The following OR10A2 variants were observed in gnomAD, a reference collection of about 807,000 sequenced individuals.
OR10A2 encodes olfactory receptor 10A2.
Under a neutral mutation model 13.7 loss-of-function variants are expected in OR10A2, and 15 were observed. That is an observed-to-expected ratio of 1.10 (90% confidence interval 0.73 to 1.69). OR10A2 has a LOEUF of 1.69. OR10A2 is among the 40% of genes most tolerant of loss of function. The probability of loss-of-function intolerance (pLI) is 0.00; values close to 1 mark genes in which losing one functional copy is unlikely to be tolerated. For missense variants in OR10A2, 343 were observed against 361.1 expected (o/e 0.95, Z 0.41); for synonymous variants, 145 against 144.7 (o/e 1.00, Z -0.02).
rs1286649489 is a variant in OR10A2, at chr11:6,869,702, T to C, written c.-53T>C. On this transcript the variant is annotated 5_prime_UTR_variant, in exon 2 of 2. Coordinates refer to ENST00000641461, the MANE Select transcript of OR10A2 (RefSeq NM_001004460.2). ...CTCCATGACCACAGTTGGGGACTTC[T>C]GCCCACACTTATAGCTACAGGAAAC... 3 of 1,458,676 alleles carry C rather than the reference T, an allele frequency of 2.1e-6. No individual in the cohort carries two copies. The highest frequency in any genetic ancestry group is 1.4e-5 in the African/African-American group (1 of 71,824). The allele number at this position is 1,458,676 out of a possible 1,614,324, so 90.4% of individuals were successfully genotyped here.
chr11:6,868,384 T>C (rs1198010598), intron 1 of OR10A2, among the ~76,000 whole-genome samples: 3 of 152,104 alleles, frequency 2.0e-5, no homozygotes, highest in Non-Finnish European at 4.4e-5. Flanking sequence ...ATTATAGATA[T>C]ACCACCTAGT....
rs1379481934 is a variant in OR10A2 at position 6,872,425 on chromosome 11, T to A, written c.*1759T>A. ...GTACATGTACTTATTTTTACATGTT[T>A]GTCTTCCTCCAACTTTTCTGTAACT... On this transcript the variant is annotated 3_prime_UTR_variant, in exon 2 of 2. Transcript: ENST00000641461. The A allele has an allele frequency of 6.6e-6, 1 of 152,248 alleles. No homozygotes were observed. The highest frequency in any genetic ancestry group is 1.9e-4 in the East Asian group (1 of 5,196). The allele number at this position is 152,248 out of a possible 1,614,324, so 9.4% of individuals were successfully genotyped here.
In OR10A2 at chr11:6,863,183, A is replaced by G. The variant is rs1217554893; in HGVS notation, c.-301A>G. ...CACAAGGCAGCAGTGAGCTGGCTAC[A>G]GCTCCAGCCATTAATAGCTCAGCCA... is the stretch of plus-strand genomic sequence containing the variant. On this transcript the variant is annotated 5_prime_UTR_variant, in exon 1 of 2. Coordinates refer to ENST00000641461, the MANE Select transcript of OR10A2 (RefSeq NM_001004460.2). The G allele has an allele frequency of 6.6e-6, 1 of 152,170 alleles. No homozygotes were observed. The highest frequency in any genetic ancestry group is 2.4e-5 in the African/African-American group (1 of 41,428). The allele number at this position is 152,170 out of a possible 1,614,324, so 9.4% of individuals were successfully genotyped here. A position where few individuals can be genotyped will look rare whatever the true frequency, so the allele number is the denominator to read the frequency against.
rs1848455834 is a variant in OR10A2 at position 6,873,429 on chromosome 11, AG to A, written c.*2768del. ...ATGCTGAGACAATTTGTACTGGGGT[AG>A]GGGGTAGTCCTTAGTATGGGTAAAG... On this transcript the variant is annotated 3_prime_UTR_variant, in exon 2 of 2. Coordinates refer to ENST00000641461, the MANE Select transcript of OR10A2 (RefSeq NM_001004460.2). 1 of 152,218 alleles carries A rather than the reference AG, an allele frequency of 6.6e-6. No homozygotes were observed. Among genetic ancestry groups the A allele is most frequent in the Admixed American group, 6.5e-5 (1 of 15,282 alleles). The allele number at this position is 152,218 out of a possible 1,614,324, so 9.4% of individuals were successfully genotyped here.
At position 6,869,915 on chromosome 11, in the gene OR10A2, C is replaced by T; in HGVS notation, c.161C>T (p.Ser54Phe). ...ATGTACTTCTTCCTCAGAAACTTAT[C>T]TTTCCTGGAGATTGGCTTCAACCTA... ...SPMYFFLRNLSFLEIGFNLVI... is the reference protein window; with the variant it reads ...SPMYFFLRNLFFLEIGFNLVI... The change falls in exon 2 of 2, where the codon TCT (serine) becomes TTT (phenylalanine). Residue 54 changes from serine to phenylalanine, a missense_variant. By Grantham distance (155) the Ser-to-Phe change is radical. Coordinates refer to ENST00000641461, the MANE Select transcript of OR10A2 (RefSeq NM_001004460.2). 6.2e-7 allele frequency: 1 copy of T among 1,614,180 alleles called. No individual in the cohort carries two copies. Among genetic ancestry groups the T allele is most frequent in the Non-Finnish European group, 8.5e-7 (1 of 1,179,992 alleles).
intron 1 of OR10A2, among the ~76,000 whole-genome samples, chr11:6,864,211 C>G (rs1252091822): frequency 6.6e-6 from 1 of 151,992 alleles, no homozygotes; most frequent in Non-Finnish European, 1.5e-5. Flanking sequence ...GAAATCCCAG[C>G]AAGTGTTTCT....
chr11:6,864,215 T>C (rs922266132), intron 1 of OR10A2, among the ~76,000 whole-genome samples: 9 of 152,196 alleles, frequency 5.9e-5, no homozygotes, highest in African/African-American at 1.9e-4. Context: ...TCCCAGCAAG[T>C]GTTTCTGCCC....
At position 6,870,454 on chromosome 11, in the gene OR10A2, G is replaced by C; in HGVS notation, c.700G>C (p.Val234Leu). 6.2e-7 allele frequency: 1 copy of C among 1,614,130 alleles called. No individual in the cohort carries two copies. The change falls in exon 2 of 2, where the codon GTT (valine) becomes CTT (leucine). Residue 234 changes from valine to leucine, a missense_variant. By Grantham distance (32) the Val-to-Leu change is conservative. Coordinates refer to ENST00000641461, the MANE Select transcript of OR10A2 (RefSeq NM_001004460.2). ...TTCTACATGTTCCTCACACCTCCTT[G>C]TTGTCTCTCTTTTCTATATATCATT... ...AFSTCSSHLL[V>L]VSLFYISLSL... is the part of the protein sequence containing the mutation.
rs1848424995 is a variant in OR10A2 at position 6,870,729 on chromosome 11, C to T, written c.*63C>T. 7.9e-7 allele frequency: 1 copy of T among 1,273,472 alleles called. No individual in the cohort carries two copies. Among genetic ancestry groups the T allele is most frequent in the Non-Finnish European group, 1.1e-6 (1 of 915,930 alleles). The allele number at this position is 1,273,472 out of a possible 1,614,324, so 78.9% of individuals were successfully genotyped here. A position where few individuals can be genotyped will look rare whatever the true frequency, so the allele number is the denominator to read the frequency against. On this transcript the variant is annotated 3_prime_UTR_variant, in exon 2 of 2. Transcript: ENST00000641461. ...ACAATCAGTCCCAGATTTGAGATTC[C>T]TCTCTGCATCTTTCCACATCTCCAA...
At chr11:6,867,547 T>C (rs1204885665) in intron 1 of OR10A2, among the ~76,000 whole-genome samples, 1 of 152,002 alleles carries the variant, frequency 6.6e-6, no homozygotes, top group Non-Finnish European at 1.5e-5. Flanking sequence ...TTGTTGAGAG[T>C]AAGTAATAAA....
rs1407553953 is a variant in OR10A2 at position 6,873,673 on chromosome 11, A to C, written c.*3007A>C. The stretch of plus-strand genomic sequence containing the variant: ...AAAAATAAGCAGAGATCACAGGAAA[A>C]GACCTTGTTAAAGGATTTACTTTAT... On this transcript the variant is annotated 3_prime_UTR_variant, in exon 2 of 2. Coordinates refer to ENST00000641461, the MANE Select transcript of OR10A2 (RefSeq NM_001004460.2). 1 of 152,206 alleles carries C rather than the reference A, an allele frequency of 6.6e-6. No individual in the cohort carries two copies. The highest frequency in any genetic ancestry group is 1.9e-4 in the East Asian group (1 of 5,196). The allele number at this position is 152,206 out of a possible 1,614,324, so 9.4% of individuals were successfully genotyped here.
chr11:6,863,796 G>T (rs994447588), intron 1 of OR10A2, among the ~76,000 whole-genome samples: 4 of 152,196 alleles, frequency 2.6e-5, no homozygotes, highest in African/African-American at 9.7e-5. Context: ...GCCTAGAAGA[G>T]TGGGTTCCAG....
chr11:6,869,520 T>C (rs11041068), intron 1 of OR10A2, 103 bp from the exon 2 acceptor site: 8 of 548,218 alleles, frequency 1.5e-5, no homozygotes, highest in South Asian at 1.4e-4. Context: ...TTCAGGCCCA[T>C]CTCAGAGATT....
intron 1 of OR10A2, among the ~76,000 whole-genome samples, chr11:6,864,280 G>A (rs905848779): frequency 2.0e-5 from 3 of 150,854 alleles, no homozygotes; most frequent in Non-Finnish European, 4.4e-5. Flanking sequence ...CTGTCATGAG[G>A]CTTCTAGTTA....
At position 6,869,980 on chromosome 11, in the gene OR10A2, G is replaced by C. The variant is rs1848412866; in HGVS notation, c.226G>C (p.Asp76His). The change falls in exon 2 of 2, where the codon GAC (aspartate) becomes CAC (histidine). Residue 76 changes from aspartate to histidine, a missense_variant. Asp to His is a moderately conservative substitution (Grantham distance 81). Transcript: ENST00000641461. ...AATGCTGGGGACCCTGCTTGCCCAG[G>C]ACACAACCATCTCCTTCCTTGGCTG... is the stretch of plus-strand genomic sequence containing the variant. ...PKMLGTLLAQDTTISFLGCAT... is the reference protein window; with the variant it reads ...PKMLGTLLAQHTTISFLGCAT... The C allele has an allele frequency of 4.3e-6, 7 of 1,614,020 alleles. No individual in the cohort carries two copies. The highest frequency in any genetic ancestry group is 5.9e-6 in the Non-Finnish European group (7 of 1,180,024).
intron 1 of OR10A2, among the ~76,000 whole-genome samples, chr11:6,866,541 C>T (rs1257671909): frequency 6.6e-6 from 1 of 152,146 alleles, no homozygotes. Flanking sequence ...TGATCCAATT[C>T]ATCAAATCCT....
Position 6,870,474 on chromosome 11 carries a change from A to ATG in OR10A2, c.721_722insGT (p.Ser241CysfsTer3), listed in dbSNP as rs780193743. 1.2e-4 allele frequency: 187 copies of ATG among 1,614,094 alleles called. 4 individuals are homozygous for ATG. The highest frequency in any genetic ancestry group is 6.9e-4 in the East Asian group (31 of 44,880). Reference sequence around the variant, plus strand: ...TCCTTGTTGTCTCTCTTTTCTATATATCATTAAGCCTCACCTACTTCCGGC... The same window carrying ATG: ...TCCTTGTTGTCTCTCTTTTCTATATATGTCATTAAGCCTCACCTACTTCCGGC... On this transcript the variant is annotated frameshift_variant, in exon 2 of 2. Coordinates refer to ENST00000641461, the MANE Select transcript of OR10A2 (RefSeq NM_001004460.2). LOFTEE classifies it high-confidence loss of function.
intron 1 of OR10A2, among the ~76,000 whole-genome samples, chr11:6,869,003 G>C (rs753490623): frequency 6.6e-6 from 1 of 152,196 alleles, no homozygotes; most frequent in African/African-American, 2.4e-5. Flanking sequence ...TTAGTCATCA[G>C]ATAAGGCATG....
At position 6,870,417 on chromosome 11, in the gene OR10A2, G is replaced by A. The variant is rs745321401; in HGVS notation, c.663G>A (p.Lys221=). 3 of 1,614,222 alleles carry A rather than the reference G, an allele frequency of 1.9e-6. No homozygotes were observed. Among genetic ancestry groups the A allele is most frequent in the South Asian group, 2.2e-5 (2 of 91,084 alleles). Residue 221 remains lysine, a synonymous_variant, in exon 2 of 2, where the codon AAG becomes AAA. Coordinates refer to ENST00000641461, the MANE Select transcript of OR10A2 (RefSeq NM_001004460.2). ...TCAAGATCCCATCAGCTAAAGGGAA[G>A]AATAAAGCCTTTTCTACATGTTCCT... The part of the protein sequence containing the change: ...AILKIPSAKG[K]NKAFSTCSSH...
Sources: gnomAD v4.1 joint callset for allele counts (sites outside exome capture counted in the v4.1 genomes callset) on GRCh38, gnomAD v4.1.1 for gene constraint, MANE v1.5 for transcripts, NCBI Gene and HGNC (gene_info 2026-07-23, HGNC 2026-07-21) for gene names.